The following ADGRG3 variants were observed in gnomAD, a reference collection of about 807,000 sequenced individuals.
ADGRG3 encodes the protein adhesion G protein-coupled receptor G3, also known as G protein-coupled receptor 97.
Under a neutral mutation model 54.3 loss-of-function variants are expected in ADGRG3, and 39 were observed. The observed-to-expected ratio is 0.72, with a 90% CI of 0.56 to 0.94. ADGRG3 has a LOEUF of 0.94. ADGRG3 is among the 40% of genes least tolerant of loss of function. The pLI, the probability that ADGRG3 is intolerant of heterozygous loss-of-function variation, is 0.00. For missense variants in ADGRG3, 654 were observed against 694.6 expected, an observed-to-expected ratio of 0.94 and a Z score of 0.66; for synonymous variants, 312 against 290.0, an observed-to-expected ratio of 1.08 and a Z score of -0.77.
intron 2 of ADGRG3, 26 bp from the exon 3 acceptor site, chr16:57,676,174 C>T: frequency 1.2e-6 from 2 of 1,610,700 alleles, no homozygotes; most frequent in Non-Finnish European, 1.7e-6. Context: ...GGATCCTACC[C>T]TCCCCCCATC....
Position 57,678,255 on chromosome 16 carries a change from A to G in ADGRG3, c.431A>G (p.Asn144Ser). ...AGCCTTTTTCGATCCCTGCCAGGCA[A>G]CAGGTCTGTGGTCCGCTTGGCCGTC... Reference protein sequence around the residue: ...PKSLFRSLPGNRSVVRLAVTI... With the variant: ...PKSLFRSLPGSRSVVRLAVTI... Residue 144 changes from asparagine (N) to serine (S), a missense_variant, in exon 4 of 12, where the codon AAC (asparagine) becomes AGC (serine). Transcript: ENST00000333493. 2 of 1,614,190 alleles carry G rather than the reference A, an allele frequency of 1.2e-6. No homozygotes were observed. The highest frequency in any genetic ancestry group is 1.1e-5 in the South Asian group (1 of 91,080).
chr16:57,684,041 T>C lies in ADGRG3; in HGVS notation c.991T>C (p.Ser331Pro), dbSNP rs749471976. ...CTTCTTGGTCAATGTGGGGAGTGGCTCAAAGGGGTCTGATGCTGCCTGCTG... is the reference window on the plus strand; with the variant it reads ...CTTCTTGGTCAATGTGGGGAGTGGCCCAAAGGGGTCTGATGCTGCCTGCTG... Reference protein sequence around the residue: ...LAFLVNVGSGSKGSDAACWAR... With the variant: ...LAFLVNVGSGPKGSDAACWAR... Residue 331 changes from serine (S) to proline (P), a missense_variant, in exon 9 of 12, where the codon TCA becomes CCA. Ser to Pro is a moderately conservative substitution (Grantham distance 74). Transcript: ENST00000333493. 1 of 1,613,908 alleles carries C rather than the reference T, an allele frequency of 6.2e-7. No homozygotes were observed. Among genetic ancestry groups the C allele is most frequent in the Non-Finnish European group, 8.5e-7 (1 of 1,179,890 alleles).
chr16:57,668,874 G>A (rs1008051597), intron 1 of ADGRG3, among the ~76,000 whole-genome samples: 1 of 152,120 alleles, frequency 6.6e-6, no homozygotes, highest in African/African-American at 2.4e-5. Context: ...ACCCCACACC[G>A]GCTCCCTCTC....
At chr16:57,674,455 T>G in intron 2 of ADGRG3, 1 of 237,164 alleles carries the variant, frequency 4.2e-6, no homozygotes, top group South Asian at 4.0e-5. Flanking sequence ...GCACGTGGCT[T>G]ACATTAGTAC....
chr16:57,684,349 G>A (rs1242175964), intron 9 of ADGRG3, 41 bp from the exon 10 acceptor site: 2 of 1,581,696 alleles, frequency 1.3e-6, no homozygotes, highest in East Asian at 2.2e-5. Flanking sequence ...GGAAGTGCCA[G>A]TAAGCCCCAG....
intron 1 of ADGRG3, among the ~76,000 whole-genome samples, chr16:57,671,717 G>A (rs2048164385): frequency 6.6e-6 from 1 of 152,168 alleles, no homozygotes; most frequent in Non-Finnish European, 1.5e-5. Context: ...CTCAACACAA[G>A]CTGAAAAGAT....
At chr16:57,677,015 G>A (rs2048276320) in intron 3 of ADGRG3, among the ~76,000 whole-genome samples, 1 of 152,192 alleles carries the variant, frequency 6.6e-6, no homozygotes, top group Non-Finnish European at 1.5e-5. Flanking sequence ...GTACTTTTAG[G>A]TTTGTCTGGA....
intron 11 of ADGRG3, among the ~76,000 whole-genome samples, chr16:57,686,373 A>G (rs2048473233): frequency 6.6e-6 from 1 of 152,094 alleles, no homozygotes. Context: ...GTGAGCACTC[A>G]CTCATCACCA....
chr16:57,688,311 C>T (rs1013098657), intron 11 of ADGRG3, 41 bp from the exon 12 acceptor site: 1 of 1,304,766 alleles, frequency 7.7e-7, no homozygotes, highest in South Asian at 1.2e-5. Flanking sequence ...ACTCTCTGCC[C>T]ACCCCTTTCC....
chr16:57,671,130 C>T (rs1407382271), intron 1 of ADGRG3, among the ~76,000 whole-genome samples: 3 of 152,074 alleles, frequency 2.0e-5, no homozygotes, highest in Non-Finnish European at 4.4e-5. Flanking sequence ...TGCTCAAACT[C>T]CTTAAATGGA....
At chr16:57,679,407 G>A in intron 5 of ADGRG3, 96 bp downstream of exon 5, 2 of 1,344,890 alleles carry the variant, frequency 1.5e-6, no homozygotes, top group Admixed American at 3.8e-5. Context: ...CTACATATCT[G>A]TCCCCTACCC....
chr16:57,681,069 T>A (rs1203203066), intron 8 of ADGRG3: 1 of 166,378 alleles, frequency 6.0e-6, no homozygotes, highest in East Asian at 1.6e-4. Context: ...GCTCCTTAGC[T>A]GCTTAGGCAG....
Position 57,679,290 on chromosome 16 carries a change from C to A in ADGRG3, c.606C>A (p.Phe202Leu). 3 of 1,613,944 alleles carry A rather than the reference C, an allele frequency of 1.9e-6. No homozygotes were observed. Among genetic ancestry groups the A allele is most frequent in the Non-Finnish European group, 2.5e-6 (3 of 1,179,922 alleles). ...TKLAEPLEIV[F>L]SHQRPPPNMT... ...TGGCTGAGCCTCTGGAGATCGTCTT[C>A]TCTCACCAGCGACCGCCCCCTGTGA... is the stretch of plus-strand genomic sequence containing the variant. The change falls in exon 5 of 12, where the codon TTC becomes TTA. Residue 202 changes from phenylalanine to leucine, a missense_variant. Physicochemically the swap from Phe to Leu is conservative, Grantham distance 22. Transcript: ENST00000333493.
At position 57,685,837 on chromosome 16, in the gene ADGRG3, G is replaced by T; in HGVS notation, c.1451G>T (p.Ser484Ile). Residue 484 changes from serine to isoleucine, a missense_variant, in exon 11 of 12, where the codon AGC (serine) becomes ATC (isoleucine). Coordinates refer to ENST00000333493, the MANE Select transcript of ADGRG3 (RefSeq NM_170776.5). ...GTGCTCACCCTGCTGGGCCTCTCGA[G>T]CCTGGTGGGTGTGACATGGGGGTTG... ...KKVLTLLGLSSLVGVTWGLAI... is the reference protein window; with the variant it reads ...KKVLTLLGLSILVGVTWGLAI... 1.9e-6 allele frequency: 3 copies of T among 1,614,176 alleles called. No individual in the cohort carries two copies. Among genetic ancestry groups the T allele is most frequent in the Non-Finnish European group, 1.7e-6 (2 of 1,180,028 alleles).
intron 1 of ADGRG3, among the ~76,000 whole-genome samples, chr16:57,669,646 A>G (rs917179659): frequency 6.6e-6 from 1 of 152,172 alleles, no homozygotes; most frequent in Non-Finnish European, 1.5e-5. Context: ...GAAGGTCTGC[A>G]CACTTCCTGT....
At position 57,680,540 on chromosome 16, in the gene ADGRG3, C is replaced by T. The variant is rs1490763308; in HGVS notation, c.804C>T (p.Leu268=). 1.9e-6 allele frequency: 3 copies of T among 1,613,816 alleles called. No individual in the cohort carries two copies. Among genetic ancestry groups the T allele is most frequent in the Non-Finnish European group, 2.5e-6 (3 of 1,179,932 alleles). The change falls in exon 8 of 12, where the codon CTC becomes CTT. Residue 268 remains leucine, a synonymous_variant. Transcript: ENST00000333493. ...PTLDQSTVHI[L]TRISQAGCGV... is the part of the protein sequence containing the mutation. ...TGGACCAGTCCACGGTGCATATCCT[C>T]ACACGCATCTCCCAGGCGGGCTGTG... is the stretch of plus-strand genomic sequence containing the variant.
At chr16:57,666,653 G>T (rs911462372), upstream of ADGRG3, among the ~76,000 whole-genome samples, 7 of 152,166 alleles carry the variant, frequency 4.6e-5, no homozygotes, top group Non-Finnish European at 8.8e-5. Context: ...GGTTGGGGGG[G>T]GTCTCAGGGT....
intron 4 of ADGRG3, 102 bp downstream of exon 4, chr16:57,678,418 A>G: frequency 1.7e-6 from 2 of 1,172,532 alleles, no homozygotes; most frequent in Non-Finnish European, 2.5e-6. Flanking sequence ...CAATGGGGAC[A>G]GAGCAGGCAG....
In ADGRG3 at chr16:57,684,074, G is replaced by A; in HGVS notation, c.1024G>A (p.Gly342Arg). ...GTCTGATGCTGCCTGCTGGGCCCGG[G>A]GGGCTGTCTTCCACTACTTCCTGCT... Reference protein sequence around the residue: ...KGSDAACWARGAVFHYFLLCA... With the variant: ...KGSDAACWARRAVFHYFLLCA... The change falls in exon 9 of 12, where the codon GGG becomes AGG. Residue 342 changes from glycine to arginine, a missense_variant. Transcript: ENST00000333493. 1.2e-6 allele frequency: 2 copies of A among 1,614,062 alleles called. No homozygotes were observed. Among genetic ancestry groups the A allele is most frequent in the Non-Finnish European group, 1.7e-6 (2 of 1,179,968 alleles).
Sources: allele counts gnomAD v4.1 joint callset (sites outside exome capture counted in the v4.1 genomes callset), GRCh38; gene constraint gnomAD v4.1.1; transcripts MANE v1.5; gene names NCBI Gene and HGNC (gene_info 2026-07-23, HGNC 2026-07-21).